The following SPTA1 variants were observed in gnomAD, a reference collection of about 807,000 sequenced individuals.
SPTA1 encodes the protein spectrin alpha, erythrocytic 1, also known as spectrin alpha chain, erythrocytic 1.
A neutral mutation model predicts 324.7 loss-of-function variants in SPTA1; 177 were observed. The observed-to-expected ratio is 0.55, with a 90% CI of 0.48 to 0.62. SPTA1 has a LOEUF of 0.62. Ranked by LOEUF, SPTA1 falls within the 20% of genes least tolerant of loss-of-function variation. SPTA1 has a pLI of 0.00. For missense variants in SPTA1, 3,162 were observed against 2,883.6 expected (o/e 1.10, Z -2.21); for synonymous variants, 1,195 against 1,041.3 (o/e 1.15, Z -2.84).
chr1:158,658,182 C>T (rs1397236824), intron 18 of SPTA1, among the ~76,000 whole-genome samples: 1 of 152,078 alleles, frequency 6.6e-6, no homozygotes, highest in Admixed American at 6.5e-5. Context: ...TTTATAATTG[C>T]CAAGCTTATG....
intron 3 of SPTA1, 58 bp from the exon 4 acceptor site, chr1:158,681,725 C>G (rs1440135067): frequency 6.2e-7 from 1 of 1,610,104 alleles, no homozygotes; most frequent in African/African-American, 1.3e-5. Flanking sequence ...GGGAAACACT[C>G]AGAGACTTGT....
chr1:158,652,642 A>G lies in SPTA1; in HGVS notation c.3200T>C (p.Leu1067Pro). Reference protein sequence around the residue: ...QEQIENQYRSLLDRAEERRRR... With the variant: ...QEQIENQYRSPLDRAEERRRR... The stretch of plus-strand genomic sequence containing the variant: ...TCTGCGTTCTTCTGCCCGATCCAAG[A>G]GGGAGCGGTATCTGGATGGAGAATT... Residue 1067 changes from leucine (L) to proline (P), a missense_variant, in exon 23 of 52, where the codon CTC becomes CCC. Coordinates refer to ENST00000643759, the MANE Select transcript of SPTA1 (RefSeq NM_003126.4). 3 of 1,614,146 alleles carry G rather than the reference A, an allele frequency of 1.9e-6. No homozygotes were observed. The highest frequency in any genetic ancestry group is 2.5e-6 in the Non-Finnish European group (3 of 1,180,022).
chr1:158,666,522 A>C, intron 15 of SPTA1, 25 bp from the exon 16 acceptor site: 1 of 1,594,890 alleles, frequency 6.3e-7, no homozygotes. Context: ...AAGGTAGAAG[A>C]CATTAGGTAC....
At position 158,676,234 on chromosome 1, in the gene SPTA1, T is replaced by G; in HGVS notation, c.1019A>C (p.Gln340Pro). The G allele has an allele frequency of 6.2e-7, 1 of 1,613,784 alleles. No individual in the cohort carries two copies. The highest frequency in any genetic ancestry group is 8.5e-7 in the Non-Finnish European group (1 of 1,179,756). The change falls in exon 8 of 52, where the codon CAG becomes CCG. Residue 340 changes from glutamine to proline, a missense_variant. Gln to Pro is a moderately conservative substitution (Grantham distance 76). Coordinates refer to ENST00000643759, the MANE Select transcript of SPTA1 (RefSeq NM_003126.4). Reference protein sequence around the residue: ...LTLSHPSDAPQIQEMKEDLVS... With the variant: ...LTLSHPSDAPPIQEMKEDLVS... Reference sequence around the variant, plus strand: ...CAGATCTTCTTTCATCTCCTGGATCTGAGGTGCATCTGAAGGATGGGAAAG... The same window carrying G: ...CAGATCTTCTTTCATCTCCTGGATCGGAGGTGCATCTGAAGGATGGGAAAG...
chr1:158,615,357 A>T lies in SPTA1; in HGVS notation c.6647T>A (p.Ile2216Asn). 6.2e-7 allele frequency: 1 copy of T among 1,614,104 alleles called. No individual in the cohort carries two copies. The highest frequency in any genetic ancestry group is 1.1e-5 in the South Asian group (1 of 91,082). ...IQAMKRQLTK[I>N]VDLGDNLEDA... ...TTCCAAGTTGTCCCCCAGGTCCACA[A>T]TCTTGGTTAGTTGACGCTTCATCGC... Residue 2216 changes from isoleucine (I) to asparagine (N), a missense_variant, in exon 48 of 52, where the codon ATT (isoleucine) becomes AAT (asparagine). By Grantham distance (149) the Ile-to-Asn change is moderately radical. Coordinates refer to ENST00000643759, the MANE Select transcript of SPTA1 (RefSeq NM_003126.4).
At chr1:158,656,033 T>C (rs1213328597) in intron 20 of SPTA1, among the ~76,000 whole-genome samples, 2 of 152,170 alleles carry the variant, frequency 1.3e-5, no homozygotes, top group Admixed American at 6.5e-5. Flanking sequence ...TTTCCTGTTT[T>C]CCAGTACTGT....
In SPTA1 at chr1:158,648,466, T is replaced by C. The variant is rs779956517; in HGVS notation, c.3714+43A>G. 17 of 1,613,152 alleles carry C rather than the reference T, an allele frequency of 1.1e-5. No individual in the cohort carries two copies. The South Asian group carries it at 1.5e-4, about 15-fold the overall frequency. On this transcript the variant is annotated intron_variant, in intron 26 of 51. Coordinates refer to ENST00000643759, the MANE Select transcript of SPTA1 (RefSeq NM_003126.4). Reference sequence around the variant, plus strand: ...GAGGGCATTGGTATACGGCTAAATATAGACTGGAAAGTGTTGGAAAAGCTT... The same window carrying C: ...GAGGGCATTGGTATACGGCTAAATACAGACTGGAAAGTGTTGGAAAAGCTT...
At position 158,645,597 on chromosome 1, in the gene SPTA1, A is replaced by G; in HGVS notation, c.3897-3T>C. The G allele has an allele frequency of 6.2e-7, 1 of 1,613,932 alleles. No individual in the cohort carries two copies. Among genetic ancestry groups the G allele is most frequent in the African/African-American group, 1.3e-5 (1 of 75,036 alleles). The stretch of plus-strand genomic sequence containing the variant: ...TACTGATCCAGTTCTGCAGATCCCT[A>G]GATAAACAGACACATTGGAATTGAC... On this transcript the variant is annotated splice_region_variant and splice_polypyrimidine_tract_variant and intron_variant, in intron 27 of 51. Coordinates refer to ENST00000643759, the MANE Select transcript of SPTA1 (RefSeq NM_003126.4).
intron 48 of SPTA1, 89 bp from the exon 49 acceptor site, chr1:158,614,395 A>C (rs1649436517): frequency 1.0e-6 from 1 of 965,714 alleles, no homozygotes; most frequent in African/African-American, 1.6e-5. Flanking sequence ...GAGGAATTTT[A>C]ATGGACAATT....
chr1:158,627,083 G>A lies in SPTA1; in HGVS notation c.5665-76C>T, dbSNP rs1650328381. 3.2e-6 allele frequency: 5 copies of A among 1,564,198 alleles called. No individual in the cohort carries two copies. In the Admixed American group the frequency reaches 6.7e-5, roughly 21 times the overall value. ...GTGAATCCATTAGTACCAATAGAAA[G>A]CACTCATCTCTCCCATTTCAAATAT... On this transcript the variant is annotated intron_variant, in intron 40 of 51. Coordinates refer to ENST00000643759, the MANE Select transcript of SPTA1 (RefSeq NM_003126.4).
chr1:158,636,985 T>G (rs980554042), intron 36 of SPTA1, among the ~76,000 whole-genome samples: 23 of 152,338 alleles, frequency 1.5e-4, no homozygotes, highest in Admixed American at 1.5e-3. Context: ...ATCTCCACCA[T>G]AGTCACAACT....
At chr1:158,680,368 T>G (rs1053095384) in intron 5 of SPTA1, among the ~76,000 whole-genome samples, 4 of 152,054 alleles carry the variant, frequency 2.6e-5, no homozygotes, top group African/African-American at 9.7e-5. Context: ...AAAAACACAC[T>G]CTCTCTTTCT....
At chr1:158,657,845 G>T (rs1652937930) in intron 18 of SPTA1, 151 bp from the exon 19 acceptor site, 3 of 772,642 alleles carry the variant, frequency 3.9e-6, no homozygotes. Context: ...CCTGGGAATT[G>T]AAATATCCTA....
Position 158,661,180 on chromosome 1 carries a change from T to G in SPTA1, c.2587+107A>C, listed in dbSNP as rs955345729. ...GCCAAAAGAGCATTAAGTGGGAAAA[T>G]GAGTCAGATATTTTTAAATTCCCTT... On this transcript the variant is annotated intron_variant, in intron 18 of 51. Coordinates refer to ENST00000643759, the MANE Select transcript of SPTA1 (RefSeq NM_003126.4). The G allele has an allele frequency of 3.5e-5, 54 of 1,556,636 alleles. No homozygotes were observed. In the African/African-American group the frequency reaches 6.7e-4, roughly 19 times the overall value.
intron 51 of SPTA1, chr1:158,612,592 C>T (rs996369791): frequency 3.7e-6 from 2 of 546,916 alleles, no homozygotes; most frequent in African/African-American, 3.8e-5. Context: ...AACTGAGTTG[C>T]AGATTTTGAA....
Position 158,643,387 on chromosome 1 carries a change from GC to G in SPTA1, c.4376del (p.Ser1459ThrfsTer21). On this transcript the variant is annotated frameshift_variant, in exon 31 of 52. Coordinates refer to ENST00000643759, the MANE Select transcript of SPTA1 (RefSeq NM_003126.4). LOFTEE classifies it high-confidence loss of function. Reference sequence around the variant, plus strand: ...TGGCATAGTGTTCATCAGCAATGAGGCTCTCAGCAAAATGTTCTAGGTCAGT... The same window carrying G: ...TGGCATAGTGTTCATCAGCAATGAGGTCTCAGCAAAATGTTCTAGGTCAGT... ...KITDLEHFAE[S>X]LIADEHYAKE... is the part of the protein sequence containing the mutation. 1 of 1,613,812 alleles carries G rather than the reference GC, an allele frequency of 6.2e-7. No individual in the cohort carries two copies. The highest frequency in any genetic ancestry group is 1.3e-5 in the African/African-American group (1 of 75,020).
intron 51 of SPTA1, 136 bp from the exon 52 acceptor site, chr1:158,611,525 A>C: frequency 2.3e-6 from 2 of 875,628 alleles, no homozygotes; most frequent in Non-Finnish European, 1.7e-6. Context: ...TATTACACAC[A>C]ATTTTTATCT....
At chr1:158,619,773 C>G (rs1033264358) in intron 44 of SPTA1, among the ~76,000 whole-genome samples, 2 of 152,088 alleles carry the variant, frequency 1.3e-5, no homozygotes, top group African/African-American at 4.8e-5. Context: ...ATTATTAACA[C>G]AGACAAAAGC....
At chr1:158,666,812 C>T (rs1653636219) in intron 15 of SPTA1, among the ~76,000 whole-genome samples, 1 of 152,110 alleles carries the variant, frequency 6.6e-6, no homozygotes, top group Non-Finnish European at 1.5e-5. Context: ...CTATCCAGAC[C>T]TCTTTTTCAA....
Sources: allele counts gnomAD v4.1 joint callset (sites outside exome capture counted in the v4.1 genomes callset), GRCh38; gene constraint gnomAD v4.1.1; transcripts MANE v1.5; gene names NCBI Gene and HGNC (gene_info 2026-07-23, HGNC 2026-07-21).